The following FAM199X variants were observed in gnomAD, a reference collection of about 807,000 sequenced individuals.
FAM199X encodes the protein family with sequence similarity 199, X-linked, also known as protein FAM199X.
Under a neutral mutation model 22.9 loss-of-function variants are expected in FAM199X, and 4 were observed. The observed-to-expected ratio is 0.17, with a 90% CI of 0.09 to 0.40. FAM199X has a LOEUF of 0.40. FAM199X is among the 10% of genes least tolerant of loss of function. FAM199X has a pLI of 1.00. For synonymous variants in FAM199X, 101 were observed against 112.3 expected, an observed-to-expected ratio of 0.90 and a Z score of 0.64; for missense variants, 183 against 306.8, an observed-to-expected ratio of 0.60 and a Z score of 3.01.
the FAM199X span, among the ~76,000 whole-genome samples, chrX:104,158,549 A>G: frequency 4.5e-5 from 5 of 112,356 alleles, no homozygotes; most frequent in African/African-American, 1.6e-4. Context: ...AGTAATTTCC[A>G]TATCAGCAGT....
chrX:104,193,492 T>C lies in FAM199X; in HGVS notation c.*3714T>C, dbSNP rs374679675. ...TTCTCTAGGAATTCTTTGAACTCAT[T>C]TGTGTAATAGCTGGAACACACTCCT... On this transcript the variant is annotated 3_prime_UTR_variant, in exon 6 of 6. Coordinates refer to ENST00000493442, the MANE Select transcript of FAM199X (RefSeq NM_207318.4). The C allele has an allele frequency of 8.9e-6, 1 of 112,136 alleles. No homozygotes were observed. The highest frequency in any genetic ancestry group is 2.8e-4 in the East Asian group (1 of 3,585). 9.2% of individuals were successfully genotyped at this position (112,136 alleles called of 1,213,427 possible). A position where few individuals can be genotyped will look rare whatever the true frequency, so the allele number is the denominator to read the frequency against.
At chrX:104,188,415 G>A in intron 5 of FAM199X, 109 bp downstream of exon 5, 3 of 966,161 alleles carry the variant, frequency 3.1e-6, no homozygotes, top group Non-Finnish European at 4.3e-6. Context: ...GTTGCCTGTG[G>A]GTTTTGGTCT....
chrX:104,181,093 G>A (rs1363751006), intron 2 of FAM199X, among the ~76,000 whole-genome samples: 1 of 112,348 alleles, frequency 8.9e-6, no homozygotes, highest in Non-Finnish European at 1.9e-5. Context: ...AATTTAAACA[G>A]TGAGTAATCA....
rs1556381291 is a variant in FAM199X, at chrX:104,195,038, G to A, written c.*5260G>A. On this transcript the variant is annotated 3_prime_UTR_variant, in exon 6 of 6. Transcript: ENST00000493442. ...AATAACAATAGTTGTATCATAAGTC[G>A]TTTCTATTTTGAGTTCCTTCTTGTA... The A allele has an allele frequency of 9.1e-6, 1 of 110,093 alleles. No individual in the cohort carries two copies. The highest frequency in any genetic ancestry group is 1.9e-5 in the Non-Finnish European group (1 of 52,738). The allele number at this position is 110,093 out of a possible 1,213,427, so 9.1% of individuals were successfully genotyped here. A position where few individuals can be genotyped will look rare whatever the true frequency, so the allele number is the denominator to read the frequency against.
Position 104,188,213 on chromosome X carries a change from A to C in FAM199X, c.903A>C (p.Gly301=). ...SSASSSGSSV[G]NSASNSSANM... is the part of the protein sequence containing the mutation. ...CAAGCAGCAGTGGGTCCAGTGTTGG[A>C]AACTCTGCTTCAAACTCCAGTGCCA... Residue 301 remains glycine (G), a synonymous_variant, in exon 5 of 6, where the codon GGA becomes GGC. Transcript: ENST00000493442. 8.2e-7 allele frequency: 1 copy of C among 1,212,273 alleles called. No individual in the cohort carries two copies. Among genetic ancestry groups the C allele is most frequent in the Non-Finnish European group, 1.1e-6 (1 of 895,637 alleles).
chrX:104,167,083 C>T (rs1366165380), intron 1 of FAM199X, 101 bp downstream of exon 1: 4 of 758,257 alleles, frequency 5.3e-6, no homozygotes, highest in African/African-American at 2.3e-5. Context: ...CCCCCTCCCC[C>T]ACCTGCTTTC....
chrX:104,184,635 A>C (rs782132775), intron 2 of FAM199X, among the ~76,000 whole-genome samples: 1 of 110,591 alleles, frequency 9.0e-6, no homozygotes, highest in East Asian at 2.8e-4. Context: ...GTTTGTCTTA[A>C]ATTGATTTTC....
upstream of FAM199X, among the ~76,000 whole-genome samples, chrX:104,163,420 G>A (rs1341213517): frequency 2.7e-5 from 3 of 111,309 alleles, no homozygotes; most frequent in Admixed American, 9.6e-5. Flanking sequence ...ACAGAAATTA[G>A]GAAGGATCTT....
chrX:104,166,942 T>A lies in FAM199X; in HGVS notation c.157T>A (p.Cys53Ser). 8.4e-7 allele frequency: 1 copy of A among 1,189,694 alleles called. No individual in the cohort carries two copies. Among genetic ancestry groups the A allele is most frequent in the Non-Finnish European group, 1.1e-6 (1 of 883,800 alleles). Residue 53 changes from cysteine to serine, a missense_variant, in exon 1 of 6, where the codon TGC (cysteine) becomes AGC (serine). Transcript: ENST00000493442. ...ISDFGCQLSS[C>S]HRTDPLHRFH... is the part of the protein sequence containing the mutation. ...CGACTTCGGCTGCCAGCTGTCCTCC[T>A]GCCATCGCACCGACCCGCTCCACCG...
At chrX:104,179,828 A>G (rs1921598944) in intron 2 of FAM199X, among the ~76,000 whole-genome samples, 1 of 110,990 alleles carries the variant, frequency 9.0e-6, no homozygotes, top group African/African-American at 3.3e-5. Context: ...TTTCGTTCTC[A>G]GTTGTGTCTT....
intron 1 of FAM199X, among the ~76,000 whole-genome samples, chrX:104,170,455 G>A (rs904678905): frequency 2.7e-5 from 3 of 111,759 alleles, no homozygotes; most frequent in Non-Finnish European, 5.6e-5. Context: ...AGTCCGTGAC[G>A]TGATAGAAGT....
rs1197976682 is a variant in FAM199X at position 104,175,980 on chromosome X, A to T, written c.417+138A>T. On this transcript the variant is annotated intron_variant, in intron 2 of 5. Transcript: ENST00000493442. Reference sequence around the variant, plus strand: ...TCCTGGAGATTCTCTGACATGTTTTAAGGTTAAGAATTGGATGGGATATCT... The same window carrying T: ...TCCTGGAGATTCTCTGACATGTTTTTAGGTTAAGAATTGGATGGGATATCT... 3 of 438,012 alleles carry T rather than the reference A, an allele frequency of 6.8e-6. No individual in the cohort carries two copies. The African/African-American group carries it at 7.5e-5, about 11-fold the overall frequency. The allele number at this position is 438,012 out of a possible 1,213,427, so 36.1% of individuals were successfully genotyped here.
At chrX:104,180,309 T>TTC (rs1921616763) in intron 2 of FAM199X, among the ~76,000 whole-genome samples, 3 of 105,144 alleles carry the variant, frequency 2.9e-5, no homozygotes, top group African/African-American at 1.1e-4. Context: ...TTTTTTTTTT[T>TTC]CTCAGTACAG....
intron 1 of FAM199X, among the ~76,000 whole-genome samples, chrX:104,170,486 T>C (rs1320395946): frequency 1.8e-5 from 2 of 111,213 alleles, no homozygotes; most frequent in Non-Finnish European, 3.8e-5. Flanking sequence ...GTTACAAAGG[T>C]TGAGAGAGTG....
In FAM199X at chrX:104,168,878, C is replaced by CT. The variant is rs56399350; in HGVS notation, c.197+1915dup. 3.7e-3 allele frequency among the ~76,000 whole-genome samples: 309 copies of CT among 83,302 alleles called. 1 individual carries two copies. The highest frequency in any genetic ancestry group is 0.02 in the Middle Eastern group (3 of 153). 72.3% of individuals were successfully genotyped at this position (83,302 alleles called of 115,157 possible). On this transcript the variant is annotated intron_variant, in intron 1 of 5. Coordinates refer to ENST00000493442, the MANE Select transcript of FAM199X (RefSeq NM_207318.4). ...AAGCATTTTTCCTAGTTACTGCTTG[C>CT]TTTTTTTTTTTTTTTTTTTAACTTC... is the stretch of plus-strand genomic sequence containing the variant.
intron 2 of FAM199X, among the ~76,000 whole-genome samples, chrX:104,184,956 A>G (rs1170655468): frequency 1.6e-4 from 17 of 106,639 alleles, no homozygotes; most frequent in African/African-American, 4.8e-4. Flanking sequence ...TTTTTTTTTT[A>G]ATAGAGATGA....
rs782160025 is a variant in FAM199X at position 104,175,745 on chromosome X, C to G, written c.320C>G (p.Thr107Ser). ...TCCCTGTTAGATGATCAGGACTTCA[C>G]TTCTTTTGATTTATTTCCTGAGGGG... ...CYSLLDDQDF[T>S]SFDLFPEGSV... Residue 107 changes from threonine (T) to serine (S), a missense_variant, in exon 2 of 6, where the codon ACT becomes AGT. Around this residue, in one of 2 missense-constraint regions of FAM199X, gnomAD observed 128 missense variants for 246.2 expected, o/e 0.52. Transcript: ENST00000493442. 5 of 1,210,716 alleles carry G rather than the reference C, an allele frequency of 4.1e-6. No homozygotes were observed. The highest frequency in any genetic ancestry group is 5.6e-6 in the Non-Finnish European group (5 of 894,647).
chrX:104,178,473 G>A (rs1420308639), intron 2 of FAM199X, among the ~76,000 whole-genome samples: 1 of 111,298 alleles, frequency 9.0e-6, no homozygotes, highest in East Asian at 2.8e-4. Context: ...TAAGAACAGA[G>A]TCTCACTATG....
At chrX:104,182,190 T>C (rs1369796823) in intron 2 of FAM199X, among the ~76,000 whole-genome samples, 1 of 109,346 alleles carries the variant, frequency 9.1e-6, no homozygotes, top group Non-Finnish European at 1.9e-5. Context: ...AGTTTCACCA[T>C]ATTGGCCAGA....
Sources: allele counts gnomAD v4.1 joint callset (sites outside exome capture counted in the v4.1 genomes callset), GRCh38; gene constraint gnomAD v4.1.1; regional missense constraint gnomAD v4.1.1; transcripts MANE v1.5; gene names NCBI Gene and HGNC (gene_info 2026-07-23, HGNC 2026-07-21).